The following KCND2 variants were observed in gnomAD, a reference collection of about 807,000 sequenced individuals.
The protein encoded by KCND2 is potassium voltage-gated channel subfamily D member 2.
KCND2 carries 16 observed loss-of-function variants against 54.4 expected under a neutral mutation model. The observed-to-expected ratio is 0.29, with a 90% CI of 0.20 to 0.45. KCND2 has a LOEUF of 0.45. KCND2 is among the 20% of genes least tolerant of loss of function. KCND2 has a pLI of 1.00. For synonymous variants in KCND2, 317 were observed against 310.7 expected, an observed-to-expected ratio of 1.02 and a Z score of -0.21; for missense variants, 486 against 824.2, an observed-to-expected ratio of 0.59 and a Z score of 5.02.
chr7:120,581,109 T>C (rs1792509994), intron 1 of KCND2, among the ~76,000 whole-genome samples: 1 of 152,232 alleles, frequency 6.6e-6, no homozygotes, highest in Non-Finnish European at 1.5e-5. Context: ...TTATGTCTAA[T>C]ATAAAGTCTT....
At chr7:120,571,818 A>G (rs1363588151) in intron 1 of KCND2, among the ~76,000 whole-genome samples, 6 of 152,162 alleles carry the variant, frequency 3.9e-5, no homozygotes, top group Non-Finnish European at 4.4e-5. Flanking sequence ...AGATATTTGT[A>G]CTCTAAACAC....
At chr7:120,309,653 C>T (rs1242678865) in intron 1 of KCND2, among the ~76,000 whole-genome samples, 1 of 151,498 alleles carries the variant, frequency 6.6e-6, no homozygotes, top group Non-Finnish European at 1.5e-5. Flanking sequence ...CCCAATATCA[C>T]CTTATAAGGT....
intron 1 of KCND2, among the ~76,000 whole-genome samples, chr7:120,296,110 GT>G (rs1799509955): frequency 6.6e-6 from 1 of 152,046 alleles, no homozygotes; most frequent in Non-Finnish European, 1.5e-5. Flanking sequence ...ATATTGAAAA[GT>G]TTGGCATATC....
intron 1 of KCND2, among the ~76,000 whole-genome samples, chr7:120,664,153 T>G (rs1259702399): frequency 6.6e-6 from 1 of 152,112 alleles, no homozygotes; most frequent in Admixed American, 6.5e-5. Flanking sequence ...CAGTTTCCAC[T>G]GTTTCTGTGT....
intron 1 of KCND2, among the ~76,000 whole-genome samples, chr7:120,485,030 G>A (rs1394518494): frequency 6.6e-6 from 1 of 151,956 alleles, no homozygotes; most frequent in Non-Finnish European, 1.5e-5. Flanking sequence ...GAGACTACAG[G>A]CAGGTGCCAT....
At chr7:120,576,340 A>C (rs1411021205) in intron 1 of KCND2, among the ~76,000 whole-genome samples, 1 of 152,228 alleles carries the variant, frequency 6.6e-6, no homozygotes, top group Non-Finnish European at 1.5e-5. Context: ...GTGCCATACA[A>C]TTATAAACCA....
chr7:120,574,944 A>G (rs1304633168), intron 1 of KCND2, among the ~76,000 whole-genome samples: 3 of 152,114 alleles, frequency 2.0e-5, no homozygotes, highest in Non-Finnish European at 2.9e-5. Flanking sequence ...TTACTTATAA[A>G]TAAATATGAT....
rs562743798 is a variant in KCND2 at position 120,442,603 on chromosome 7, A to G, written c.1115+166856A>G. Reference sequence around the variant, plus strand: ...AAGTATTGAACATCATGATTTATGTAGTTAGAAATTATTTGCTGGGTGCAT... The same window carrying G: ...AAGTATTGAACATCATGATTTATGTGGTTAGAAATTATTTGCTGGGTGCAT... On this transcript the variant is annotated intron_variant, in intron 1 of 5. Coordinates refer to ENST00000331113, the MANE Select transcript of KCND2 (RefSeq NM_012281.3). Among the ~76,000 whole-genome samples the G allele has an allele frequency of 8.2e-4, 124 of 152,130 alleles. 1 individual carries two copies. Among genetic ancestry groups the G allele is most frequent in the Non-Finnish European group, 1.2e-3 (82 of 67,976 alleles).
rs57315261 is a variant in KCND2, at chr7:120,426,559, G to A, written c.1115+150812G>A. Among the ~76,000 whole-genome samples, 314 of 150,268 alleles carry A rather than the reference G, an allele frequency of 2.1e-3. 6 individuals carry two copies. The South Asian group carries it at 0.027, about 13-fold the overall frequency. On this transcript the variant is annotated intron_variant, in intron 1 of 5. Transcript: ENST00000331113. ...CCCTTTGGAGACTGTTGTAAAAGCC[G>A]ATGTACGTTTTTTGTGGGGTTTTTC... is the stretch of plus-strand genomic sequence containing the variant.
At chr7:120,427,689 G>C (rs532721583) in intron 1 of KCND2, among the ~76,000 whole-genome samples, 9 of 152,086 alleles carry the variant, frequency 5.9e-5, no homozygotes, top group Non-Finnish European at 1.2e-4. Flanking sequence ...TTGTATCAAG[G>C]AATTATTTAA....
chr7:120,293,770 GA>G (rs35058362), intron 1 of KCND2, among the ~76,000 whole-genome samples: 1 of 151,694 alleles, frequency 6.6e-6, no homozygotes, highest in East Asian at 1.9e-4. Flanking sequence ...ATTTTACAGT[GA>G]AAAAAATGTG....
At chr7:120,629,444 C>T (rs1197405084) in intron 1 of KCND2, among the ~76,000 whole-genome samples, 1 of 151,786 alleles carries the variant, frequency 6.6e-6, no homozygotes, top group Non-Finnish European at 1.5e-5. Flanking sequence ...CGAGATGGTG[C>T]CACTGCACTC....
chr7:120,287,570 C>G (rs10273823), intron 1 of KCND2, among the ~76,000 whole-genome samples: 11,276 of 152,046 alleles, frequency 0.074, 891 homozygotes, highest in African/African-American at 0.2. Flanking sequence ...TAAAGCAAAC[C>G]ATTCAAGTCT....
At chr7:120,341,273 G>C (rs975330630) in intron 1 of KCND2, among the ~76,000 whole-genome samples, 8 of 152,126 alleles carry the variant, frequency 5.3e-5, no homozygotes, top group African/African-American at 1.9e-4. Context: ...ACATGGACTG[G>C]TTAAATATAT....
intron 1 of KCND2, among the ~76,000 whole-genome samples, chr7:120,653,789 G>C (rs904249781): frequency 2.6e-5 from 4 of 152,114 alleles, no homozygotes; most frequent in Non-Finnish European, 2.9e-5. Flanking sequence ...TCCTGATCTC[G>C]AGGTCTCAGT....
At chr7:120,407,565 A>T (rs1242302683) in intron 1 of KCND2, among the ~76,000 whole-genome samples, 1 of 151,982 alleles carries the variant, frequency 6.6e-6, no homozygotes, top group African/African-American at 2.4e-5. Context: ...TCTGTGCCTC[A>T]GTTTTTTCAC....
intron 1 of KCND2, among the ~76,000 whole-genome samples, chr7:120,664,533 C>T (rs1791902123): frequency 6.6e-6 from 1 of 151,804 alleles, no homozygotes; most frequent in Non-Finnish European, 1.5e-5. Context: ...ATATAAACAA[C>T]AAAAAATACA....
chr7:120,644,952 T>G (rs1793420036), intron 1 of KCND2, among the ~76,000 whole-genome samples: 1 of 152,236 alleles, frequency 6.6e-6, no homozygotes, highest in Non-Finnish European at 1.5e-5. Flanking sequence ...TGGAGTTTTT[T>G]TTTCCTATGA....
chr7:120,494,098 G>T (rs1802819507), intron 1 of KCND2, among the ~76,000 whole-genome samples: 1 of 152,058 alleles, frequency 6.6e-6, no homozygotes, highest in Non-Finnish European at 1.5e-5. Flanking sequence ...AGGAAAATAT[G>T]CACATGGAGT....
Sources: allele counts gnomAD v4.1 joint callset (sites outside exome capture counted in the v4.1 genomes callset), GRCh38; gene constraint gnomAD v4.1.1; transcripts MANE v1.5; gene names NCBI Gene and HGNC (gene_info 2026-07-23, HGNC 2026-07-21).